Variants in GPC6 observed in about 807,000 individuals in gnomAD.
GPC6 encodes the protein glypican-6.
GPC6 carries 14 observed loss-of-function variants against 55.2 expected under a neutral mutation model. The ratio of observed to expected loss-of-function variants is 0.25; its 90% CI spans 0.17 to 0.40. The LOEUF (loss-of-function observed/expected upper bound fraction) is 0.40. Ranked by LOEUF, GPC6 falls within the 10% of genes least tolerant of loss-of-function variation. The pLI is 1.00. For missense variants in GPC6, 641 were observed against 708.5 expected, an observed-to-expected ratio of 0.90 and a Z score of 1.08; for synonymous variants, 278 against 259.6, an observed-to-expected ratio of 1.07 and a Z score of -0.68.
chr13:93,726,556 A>G (rs1883651163), intron 2 of GPC6, among the ~76,000 whole-genome samples: 1 of 152,228 alleles, frequency 6.6e-6, no homozygotes, highest in East Asian at 1.9e-4. Flanking sequence ...TTCTAAGGTC[A>G]GATGTATGTA....
At chr13:93,312,764 A>G (rs985043469) in intron 1 of GPC6, among the ~76,000 whole-genome samples, 6 of 152,172 alleles carry the variant, frequency 3.9e-5, no homozygotes, top group Non-Finnish European at 7.4e-5. Context: ...AGAATACTGC[A>G]GAAACTCAAT....
At chr13:93,511,567 G>C (rs947279445) in intron 1 of GPC6, among the ~76,000 whole-genome samples, 7 of 151,760 alleles carry the variant, frequency 4.6e-5, no homozygotes, top group African/African-American at 1.7e-4. Context: ...GTGGTGTCTT[G>C]GCTACTTTAG....
At chr13:93,864,377 C>A (rs1888900563) in intron 3 of GPC6, among the ~76,000 whole-genome samples, 1 of 151,710 alleles carries the variant, frequency 6.6e-6, no homozygotes, top group Non-Finnish European at 1.5e-5. Context: ...AACACCACAT[C>A]TTATACTTCT....
chr13:93,520,752 A>G (rs1375226222), intron 1 of GPC6, among the ~76,000 whole-genome samples: 2 of 152,012 alleles, frequency 1.3e-5, no homozygotes, highest in African/African-American at 2.4e-5. Context: ...GATAACTTAC[A>G]TGGACAAACT....
chr13:94,250,545 A>G (rs975778631), intron 4 of GPC6, among the ~76,000 whole-genome samples: 2 of 152,194 alleles, frequency 1.3e-5, no homozygotes, highest in African/African-American at 4.8e-5. Context: ...TATAATTAGA[A>G]TGGACAAGAA....
chr13:93,823,537 A>G (rs1302940732), intron 2 of GPC6, among the ~76,000 whole-genome samples: 1 of 152,146 alleles, frequency 6.6e-6, no homozygotes, highest in African/African-American at 2.4e-5. Flanking sequence ...AAGTCAGGCA[A>G]CATCTTAGGT....
chr13:93,680,879 T>G (rs768352234), intron 2 of GPC6, among the ~76,000 whole-genome samples: 3 of 152,158 alleles, frequency 2.0e-5, no homozygotes, highest in Admixed American at 6.6e-5. Context: ...AGCTTTTGAT[T>G]AGCAGTGTGA....
chr13:94,112,430 G>A (rs925916518), intron 4 of GPC6, among the ~76,000 whole-genome samples: 3 of 152,096 alleles, frequency 2.0e-5, no homozygotes, highest in African/African-American at 4.8e-5. Context: ...TCTGGAATTC[G>A]CACACACACT....
At chr13:94,138,787 A>G (rs984635130) in intron 4 of GPC6, among the ~76,000 whole-genome samples, 1 of 152,196 alleles carries the variant, frequency 6.6e-6, no homozygotes, top group African/African-American at 2.4e-5. Context: ...CAATGACAAT[A>G]GCGACAAGGA....
chr13:94,065,448 A>T (rs555698399), intron 4 of GPC6, among the ~76,000 whole-genome samples: 1 of 152,300 alleles, frequency 6.6e-6, no homozygotes, highest in Admixed American at 6.5e-5. Context: ...GTATTCCTGT[A>T]TTCATTTCAA....
intron 3 of GPC6, among the ~76,000 whole-genome samples, chr13:93,919,587 C>T (rs4773767): frequency 0.3 from 45,301 of 151,994 alleles, 7,175 homozygotes; most frequent in Middle Eastern, 0.43. Context: ...TCTTAGGAAA[C>T]GGGCCTCTGA....
At chr13:93,240,160 CCAGTTTATGGCCAGTGTTCCTTTGT>C (rs1429214891) in intron 1 of GPC6, among the ~76,000 whole-genome samples, 4 of 151,984 alleles carry the variant, frequency 2.6e-5, no homozygotes, top group Non-Finnish European at 4.4e-5. Flanking sequence ...GTCCTAGAAT[CCAGTTTATGGCCAGTGTTCCTTTGT>C]TGACTTTCTG....
intron 4 of GPC6, among the ~76,000 whole-genome samples, chr13:94,213,661 C>G (rs918997251): frequency 6.6e-6 from 1 of 152,122 alleles, no homozygotes; most frequent in East Asian, 1.9e-4. Context: ...GCATCCCAGC[C>G]CCGGCTCATC....
chr13:93,500,797 T>A (rs1010098179), intron 1 of GPC6, among the ~76,000 whole-genome samples: 3 of 152,146 alleles, frequency 2.0e-5, no homozygotes, highest in Non-Finnish European at 2.9e-5. Flanking sequence ...ACTAAGAACA[T>A]TAAGTTTGTA....
chr13:93,294,929 ATTTGTTTTCT>A (rs1450181441), intron 1 of GPC6, among the ~76,000 whole-genome samples: 2 of 151,480 alleles, frequency 1.3e-5, no homozygotes, highest in Non-Finnish European at 2.9e-5. Flanking sequence ...TTGTGTTTTC[ATTTGTTTTCT>A]TGAAATCTCC....
At chr13:93,614,791 C>T (rs939300332) in intron 2 of GPC6, among the ~76,000 whole-genome samples, 2 of 151,932 alleles carry the variant, frequency 1.3e-5, no homozygotes, top group South Asian at 2.1e-4. Flanking sequence ...AAGCATAACA[C>T]GTTTTGTTTA....
At chr13:93,635,110 T>A (rs1879637992) in intron 2 of GPC6, among the ~76,000 whole-genome samples, 1 of 152,078 alleles carries the variant, frequency 6.6e-6, no homozygotes, top group Admixed American at 6.6e-5. Context: ...TCTCACAAAT[T>A]TGATTCTAGA....
chr13:93,434,816 C>A (rs1160788486), intron 1 of GPC6, among the ~76,000 whole-genome samples: 3 of 152,066 alleles, frequency 2.0e-5, no homozygotes, highest in Non-Finnish European at 2.9e-5. Context: ...AAACTATTCT[C>A]CTGCCTCCGC....
intron 4 of GPC6, among the ~76,000 whole-genome samples, chr13:94,152,496 AT>A (rs1026310432): frequency 9.9e-5 from 15 of 152,216 alleles, no homozygotes; most frequent in African/African-American, 3.6e-4. Flanking sequence ...ATTTTTTATG[AT>A]TTTTTAAAAA....
Sources: gnomAD v4.1 joint callset for allele counts (sites outside exome capture counted in the v4.1 genomes callset) on GRCh38, gnomAD v4.1.1 for gene constraint, MANE v1.5 for transcripts, NCBI Gene and HGNC (gene_info 2026-07-23, HGNC 2026-07-21) for gene names.